The following ATP8B2 variants were observed in gnomAD, a reference collection of about 807,000 sequenced individuals.
ATP8B2 encodes ATPase phospholipid transporting 8B2, also known as phospholipid-transporting ATPase ID.
Under a neutral mutation model 133.4 loss-of-function variants are expected in ATP8B2, and 70 were observed. The observed-to-expected ratio is 0.52, with a 90% CI of 0.43 to 0.64. ATP8B2 has a LOEUF of 0.64. ATP8B2 is among the 30% of genes least tolerant of loss of function. ATP8B2 has a pLI of 0.00. For missense variants in ATP8B2, 1,101 were observed against 1,535.7 expected, an observed-to-expected ratio of 0.72 and a Z score of 4.73; for synonymous variants, 517 against 589.5, an observed-to-expected ratio of 0.88 and a Z score of 1.78.
chr1:154,348,370 C>T lies in ATP8B2; in HGVS notation c.3164-38C>T, dbSNP rs531630892. 6.4e-5 allele frequency: 100 copies of T among 1,571,974 alleles called. No homozygotes were observed. The Admixed American group carries it at 9.3e-4, about 15-fold the overall frequency. ...AAATGGGAACGGGGAATGTCTGCCT[C>T]GTGACTCCCAAGGCCACTGACTCCT... On this transcript the variant is annotated intron_variant, in intron 26 of 27. Transcript: ENST00000368489.
chr1:154,336,794 C>CTT (rs370012622), intron 11 of ATP8B2, among the ~76,000 whole-genome samples: 2 of 126,458 alleles, frequency 1.6e-5, no homozygotes. Context: ...TGCACCTGGC[C>CTT]TTTTTTTTTT....
intron 11 of ATP8B2, among the ~76,000 whole-genome samples, chr1:154,336,644 C>T (rs942215278): frequency 5.3e-5 from 8 of 151,858 alleles, no homozygotes; most frequent in Non-Finnish European, 1.0e-4. Context: ...CCCGCCACCA[C>T]ACCCGGCTAA....
In ATP8B2 at chr1:154,344,597, T is replaced by G; in HGVS notation, c.2142-44T>G. The stretch of plus-strand genomic sequence containing the variant: ...TTAGACTTGAATCCCTGCTCCCCAC[T>G]GCCGTTCTGGAAGACCACAACCGTA... On this transcript the variant is annotated intron_variant, in intron 20 of 27. Transcript: ENST00000368489. This position sits in a 1 kb window ranked among gnomAD's most constrained non-coding sequence, Gnocchi z 4.1. The G allele has an allele frequency of 6.2e-7, 1 of 1,607,942 alleles. No homozygotes were observed. Among genetic ancestry groups the G allele is most frequent in the Non-Finnish European group, 8.5e-7 (1 of 1,174,892 alleles).
Position 154,340,777 on chromosome 1 carries a change from C to A in ATP8B2, c.1035-77C>A. ...TTCTTGTCTCTCCCCAGGCGGAGGG[C>A]CTGCAGCGAAGGCCCATGTGGGTGG... On this transcript the variant is annotated intron_variant, in intron 12 of 27. Transcript: ENST00000368489. This position sits in a 1 kb window ranked among gnomAD's most constrained non-coding sequence, Gnocchi z 4.0. 1 of 1,367,174 alleles carries A rather than the reference C, an allele frequency of 7.3e-7. No individual in the cohort carries two copies. Among genetic ancestry groups the A allele is most frequent in the Non-Finnish European group, 1.0e-6 (1 of 962,808 alleles). The allele number at this position is 1,367,174 out of a possible 1,614,324, so 84.7% of individuals were successfully genotyped here.
chr1:154,338,904 A>G (rs972069973), intron 12 of ATP8B2: 2 of 152,240 alleles, frequency 1.3e-5, no homozygotes, highest in African/African-American at 4.8e-5. Flanking sequence ...TCAAGGCAAC[A>G]TGTAGGATGT....
chr1:154,342,982 G>A lies in ATP8B2; in HGVS notation c.1453+21G>A, dbSNP rs200445804. ...CGAAGGTGGGCCGAGGAGCCGGCTC[G>A]CACTCTCCTGACCTGACTCTGCCCT... On this transcript the variant is annotated intron_variant, in intron 15 of 27. Transcript: ENST00000368489. The A allele has an allele frequency of 1.7e-5, 27 of 1,612,054 alleles. No individual in the cohort carries two copies. In the East Asian group the frequency reaches 5.1e-4, roughly 31 times the overall value.
intron 9 of ATP8B2, among the ~76,000 whole-genome samples, chr1:154,333,800 A>G (rs1293716112): frequency 6.6e-6 from 1 of 151,660 alleles, no homozygotes; most frequent in Non-Finnish European, 1.5e-5. Context: ...ACACCCGGCT[A>G]ATTTTTGTAT....
At chr1:154,341,423 G>T (rs1337612812) in intron 13 of ATP8B2, 1 of 356,224 alleles carries the variant, frequency 2.8e-6, no homozygotes, top group Non-Finnish European at 5.4e-6. Flanking sequence ...AGCCTGGGAG[G>T]TCAAGGCTGC....
Position 154,348,624 on chromosome 1 carries a change from C to T in ATP8B2, c.3294+86C>T. ...TGAACACTGGGGGGCTCTGTGGGGC[C>T]ATGTGGCTGTTCAGTGTGTTGGTGC... is the stretch of plus-strand genomic sequence containing the variant. On this transcript the variant is annotated intron_variant, in intron 27 of 27. Transcript: ENST00000368489. 5 of 1,547,620 alleles carry T rather than the reference C, an allele frequency of 3.2e-6. No individual in the cohort carries two copies. The South Asian group carries it at 3.5e-5, about 11-fold the overall frequency.
At chr1:154,341,516 AGAG>A (rs1376137982) in intron 13 of ATP8B2, 6 of 251,800 alleles carry the variant, frequency 2.4e-5, no homozygotes, top group South Asian at 4.4e-5. Flanking sequence ...CACACAAAGA[AGAG>A]GTCCATTCTG....
chr1:154,342,574 C>T, intron 14 of ATP8B2, 51 bp downstream of exon 14: 1 of 1,564,924 alleles, frequency 6.4e-7, no homozygotes, highest in East Asian at 2.2e-5. Context: ...GGGTGCCTGG[C>T]CAGTAACAGT....
intron 12 of ATP8B2, among the ~76,000 whole-genome samples, chr1:154,339,486 C>A (rs959068694): frequency 2.0e-5 from 3 of 152,200 alleles, no homozygotes; most frequent in African/African-American, 7.2e-5. Flanking sequence ...TGTTGCCACT[C>A]CCTTCTGCAT....
At position 154,340,816 on chromosome 1, in the gene ATP8B2, C is replaced by G. The variant is rs56025203; in HGVS notation, c.1035-38C>G. The G allele has an allele frequency of 1.5e-5, 24 of 1,604,452 alleles. No individual in the cohort carries two copies. In the East Asian group the frequency reaches 5.1e-4, roughly 34 times the overall value. ...CCATGTGGGTGGGGCACCTCCTCTT[C>G]TTCCCGACCCAAGCCTCACCTCTTG... is the stretch of plus-strand genomic sequence containing the variant. On this transcript the variant is annotated intron_variant, in intron 12 of 27. Coordinates refer to ENST00000368489, the MANE Select transcript of ATP8B2 (RefSeq NM_001370597.1). The surrounding 1 kb of genome is among the most constrained non-coding windows in gnomAD (Gnocchi z 4.0).
chr1:154,344,003 C>T lies in ATP8B2; in HGVS notation c.1869C>T (p.Asp623=), dbSNP rs756889965. 10 of 1,614,044 alleles carry T rather than the reference C, an allele frequency of 6.2e-6. No individual in the cohort carries two copies. Among genetic ancestry groups the T allele is most frequent in the Admixed American group, 3.3e-5 (2 of 59,994 alleles). Residue 623 remains aspartate, a synonymous_variant, in exon 18 of 28, where the codon GAC becomes GAT. Transcript: ENST00000368489. The surrounding 1 kb of genome is among the most constrained non-coding windows in gnomAD (Gnocchi z 4.1). ...GCCTCCAGGCCAGCCTGGCCCAGGA[C>T]AGCCGGGAGGACAGGCTGGCTAGCA... The part of the protein sequence containing the change: ...ERRLQASLAQ[D]SREDRLASIY...
intron 3 of ATP8B2, 61 bp downstream of exon 3, chr1:154,330,515 C>T: frequency 1.3e-6 from 2 of 1,568,470 alleles, no homozygotes; most frequent in Middle Eastern, 1.7e-4. Context: ...GGGGCAAGGA[C>T]AACCTACCGT....
Position 154,345,659 on chromosome 1 carries a change from T to C in ATP8B2, c.2694+114T>C. 1 of 1,315,056 alleles carries C rather than the reference T, an allele frequency of 7.6e-7. No homozygotes were observed. The highest frequency in any genetic ancestry group is 1.1e-6 in the Non-Finnish European group (1 of 932,454). The allele number at this position is 1,315,056 out of a possible 1,614,324, so 81.5% of individuals were successfully genotyped here. Reference sequence around the variant, plus strand: ...CTAGCTATTTTCTGGTACATACTCTTAAAAAATGCTTATTAAAGGAGGAGA... The same window carrying C: ...CTAGCTATTTTCTGGTACATACTCTCAAAAAATGCTTATTAAAGGAGGAGA... On this transcript the variant is annotated intron_variant, in intron 23 of 27. Transcript: ENST00000368489. The surrounding 1 kb of genome is among the most constrained non-coding windows in gnomAD (Gnocchi z 5.6).
Position 154,328,621 on chromosome 1 carries a change from AGGGGAGGCG to A in ATP8B2, c.31+453_31+461del, listed in dbSNP as rs1179580857. Among the ~76,000 whole-genome samples the A allele has an allele frequency of 2.0e-5, 3 of 151,260 alleles. No homozygotes were observed. The highest frequency in any genetic ancestry group is 7.3e-5 in the African/African-American group (3 of 41,144). On this transcript the variant is annotated intron_variant, in intron 2 of 27. Transcript: ENST00000368489. This position sits in a 1 kb window ranked among gnomAD's most constrained non-coding sequence, Gnocchi z 4.6. ...CGCATTGGCCCGGCCCGGGGGTGGG[AGGGGAGGCG>A]GGGCTCGCGCGCGAGCTTTCGCCTA...
intron 8 of ATP8B2, among the ~76,000 whole-genome samples, chr1:154,332,326 G>T (rs936165723): frequency 3.9e-5 from 6 of 152,160 alleles, no homozygotes; most frequent in African/African-American, 1.2e-4. Context: ...TTGAGGCCAG[G>T]AGTTTGAGAC....
intron 12 of ATP8B2, among the ~76,000 whole-genome samples, chr1:154,338,350 T>A (rs1686260760): frequency 1.6e-5 from 2 of 123,676 alleles, no homozygotes; most frequent in Non-Finnish European, 3.8e-5. Flanking sequence ...GTGGACTTTG[T>A]ATTTACTAAC....
Sources: gnomAD v4.1 joint callset for allele counts (sites outside exome capture counted in the v4.1 genomes callset) on GRCh38, gnomAD v4.1.1 for gene constraint, Gnocchi (gnomAD v3.1) non-coding constraint, MANE v1.5 for transcripts, NCBI Gene and HGNC (gene_info 2026-07-23, HGNC 2026-07-21) for gene names.